PKHD1L1: variants seen among roughly 807,000 people sequenced by gnomAD.
PKHD1L1 encodes fibrocystin-L.
PKHD1L1 carries 434 observed loss-of-function variants against 462.9 expected under a neutral mutation model. The observed-to-expected ratio is 0.94, with a 90% confidence interval of 0.87 to 1.02. The LOEUF is 1.02. PKHD1L1 is among the 50% of genes least tolerant of loss of function. The pLI, the probability that PKHD1L1 is intolerant of heterozygous loss-of-function variation, is 0.00. For synonymous variants in PKHD1L1, 1,781 were observed against 1,750.0 expected (o/e 1.02, Z -0.44); for missense variants, 5,202 against 5,096.1 (o/e 1.02, Z -0.63).
chr8:109,474,161 A>AT (rs1476693835), intron 50 of PKHD1L1, among the ~76,000 whole-genome samples: 1 of 152,076 alleles, frequency 6.6e-6, no homozygotes, highest in East Asian at 1.9e-4. Context: ...AAAATCATGA[A>AT]TTTTTTCTCT....
At chr8:109,378,239 T>C (rs1219729870) in intron 2 of PKHD1L1, among the ~76,000 whole-genome samples, 2 of 152,246 alleles carry the variant, frequency 1.3e-5, no homozygotes, top group Non-Finnish European at 2.9e-5. Context: ...CATTTTTCAC[T>C]GAGATAATGT....
At position 109,413,668 on chromosome 8, in the gene PKHD1L1, G is replaced by A. The variant is rs1004780221; in HGVS notation, c.2360+123G>A. The A allele has an allele frequency of 6.6e-6, 4 of 604,876 alleles. No homozygotes were observed. The African/African-American group carries it at 7.7e-5, about 12-fold the overall frequency. 37.5% of individuals were successfully genotyped at this position (604,876 alleles called of 1,614,324 possible). ...GTTTGGGGAGATGAGGGCAAATAAT[G>A]CACACAATGGATGTAAATGGCAGTT... On this transcript the variant is annotated intron_variant, in intron 21 of 77. Transcript: ENST00000378402.
intron 2 of PKHD1L1, among the ~76,000 whole-genome samples, chr8:109,368,769 T>C (rs1300805464): frequency 2.6e-5 from 4 of 152,186 alleles, no homozygotes; most frequent in Non-Finnish European, 5.9e-5. Context: ...TTTGGATTGC[T>C]GCTATCAGGA....
chr8:109,521,450 AT>A lies in PKHD1L1; in HGVS notation c.12032-732del, dbSNP rs1464086513. ...CCCTGCTGATGTGGCTTTAATTAGG[AT>A]TTTAACAACAGGGACAGAGAGAGTT... is the stretch of plus-strand genomic sequence containing the variant. On this transcript the variant is annotated intron_variant, in intron 73 of 77. Transcript: ENST00000378402. Among the ~76,000 whole-genome samples the A allele has an allele frequency of 5.9e-5, 9 of 152,292 alleles. No individual in the cohort carries two copies. In the East Asian group the frequency reaches 1.7e-3, roughly 29 times the overall value.
At chr8:109,428,633 T>C (rs1563531242) in intron 25 of PKHD1L1, among the ~76,000 whole-genome samples, 2 of 152,162 alleles carry the variant, frequency 1.3e-5, no homozygotes, top group Non-Finnish European at 2.9e-5. Context: ...TGACCTCCCT[T>C]GGTGTCTCTG....
intron 14 of PKHD1L1, 62 bp downstream of exon 14, chr8:109,401,650 TA>T: frequency 1.2e-6 from 1 of 818,772 alleles, no homozygotes; most frequent in Non-Finnish European, 1.9e-6. Context: ...GTTTATATTT[TA>T]AAATATTTTC....
At chr8:109,378,847 TAGAG>T (rs1811966925) in intron 2 of PKHD1L1, among the ~76,000 whole-genome samples, 1 of 152,190 alleles carries the variant, frequency 6.6e-6, no homozygotes, top group East Asian at 1.9e-4. Context: ...TAGAATGTCT[TAGAG>T]AGAGGCATAT....
chr8:109,437,009 G>A (rs763377820), intron 30 of PKHD1L1, among the ~76,000 whole-genome samples: 2 of 152,140 alleles, frequency 1.3e-5, no homozygotes, highest in South Asian at 2.1e-4. Flanking sequence ...TCTGCCTCCC[G>A]GGTTCAAGCG....
Position 109,464,610 on chromosome 8 carries a change from A to AT in PKHD1L1, c.7779dup (p.Gly2594TrpfsTer5). ...TGGTACCGGATGAACAACCACCCTG[A>AT]TGGGCCATCCTATGACAGAAACATT... On this transcript the variant is annotated frameshift_variant, in exon 49 of 78. Transcript: ENST00000378402. LOFTEE classifies it high-confidence loss of function. 1 of 1,612,714 alleles carries AT rather than the reference A, an allele frequency of 6.2e-7. No individual in the cohort carries two copies. The highest frequency in any genetic ancestry group is 8.5e-7 in the Non-Finnish European group (1 of 1,179,792).
At chr8:109,429,569 A>C in intron 26 of PKHD1L1, 107 bp downstream of exon 26, 1 of 1,075,210 alleles carries the variant, frequency 9.3e-7, no homozygotes, top group Non-Finnish European at 1.3e-6. Context: ...TCTGTATTTC[A>C]TGGGAACATT....
At chr8:109,492,434 G>T (rs1022456548) in intron 62 of PKHD1L1, among the ~76,000 whole-genome samples, 3 of 151,772 alleles carry the variant, frequency 2.0e-5, no homozygotes, top group African/African-American at 7.2e-5. Context: ...ATAGGTGTTT[G>T]TTGAGATATA....
At chr8:109,425,259 G>A (rs767693071) in intron 24 of PKHD1L1, 27 bp downstream of exon 24, 1 of 1,542,866 alleles carries the variant, frequency 6.5e-7, no homozygotes, top group Non-Finnish European at 8.7e-7. Context: ...TAAAATATTG[G>A]TGTATACGCA....
At chr8:109,435,744 G>A (rs1329473004) in intron 29 of PKHD1L1, among the ~76,000 whole-genome samples, 1 of 152,062 alleles carries the variant, frequency 6.6e-6, no homozygotes, top group African/African-American at 2.4e-5. Context: ...GGGAAAGGAG[G>A]GCTAACACAC....
In PKHD1L1 at chr8:109,476,610, A is replaced by C; in HGVS notation, c.8860A>C (p.Thr2954Pro). 4 of 1,596,544 alleles carry C rather than the reference A, an allele frequency of 2.5e-6. No individual in the cohort carries two copies. Among genetic ancestry groups the C allele is most frequent in the Non-Finnish European group, 3.4e-6 (4 of 1,169,906 alleles). The stretch of plus-strand genomic sequence containing the variant: ...TTCCTCAAATCCATTGAATTGGAAT[A>C]CTAGCAAGAATGGGGACTGGCACCT... ...NGSSNPLNWNTSKNGDWHLEA... is the reference protein window; with the variant it reads ...NGSSNPLNWNPSKNGDWHLEA... The change falls in exon 52 of 78, where the codon ACT becomes CCT. Residue 2954 changes from threonine (T) to proline (P), a missense_variant. Around this residue, in one of 3 missense-constraint regions of PKHD1L1, gnomAD observed 4,497 missense variants for 4,336.8 expected, o/e 1.04. Coordinates refer to ENST00000378402, the MANE Select transcript of PKHD1L1 (RefSeq NM_177531.6).
At chr8:109,469,608 T>C (rs1817619982) in intron 50 of PKHD1L1, among the ~76,000 whole-genome samples, 1 of 152,192 alleles carries the variant, frequency 6.6e-6, no homozygotes, top group Non-Finnish European at 1.5e-5. Context: ...TCATTCCTTA[T>C]GATGATATAA....
chr8:109,364,565 C>G lies in PKHD1L1; in HGVS notation c.92C>G (p.Pro31Arg). 1 of 1,599,700 alleles carries G rather than the reference C, an allele frequency of 6.3e-7. No homozygotes were observed. The part of the protein sequence containing the change: ...DPSTDGSQII[P>R]KVTEIIPKYG... ...TTTTCAGATGGCTCTCAAATAATCC[C>G]CAAAGTCACAGAAATAATACCTAAA... is the stretch of plus-strand genomic sequence containing the variant. The change falls in exon 2 of 78, where the codon CCC becomes CGC. Residue 31 changes from proline to arginine, a missense_variant. Transcript: ENST00000378402.
chr8:109,471,141 T>G, intron 50 of PKHD1L1: 1 of 1,364,572 alleles, frequency 7.3e-7, no homozygotes, highest in Non-Finnish European at 1.0e-6. Context: ...CATTTACCTT[T>G]GTATTCTTCA....
intron 73 of PKHD1L1, among the ~76,000 whole-genome samples, chr8:109,519,431 A>G (rs2131018860): frequency 6.6e-6 from 1 of 152,204 alleles, no homozygotes; most frequent in Non-Finnish European, 1.5e-5. Flanking sequence ...TCTTGTCTTC[A>G]CAGCCTCTGG....
rs768672385 is a variant in PKHD1L1 at position 109,425,245 on chromosome 8, A to T, written c.2845+13A>T. ...CATATTCTTAAAGGTATATGAAAAAAATTTAAAATATTGGTGTATACGCAC... is the reference window on the plus strand; with the variant it reads ...CATATTCTTAAAGGTATATGAAAAATATTTAAAATATTGGTGTATACGCAC... On this transcript the variant is annotated intron_variant, in intron 24 of 77. Transcript: ENST00000378402. 4 of 1,561,266 alleles carry T rather than the reference A, an allele frequency of 2.6e-6. No individual in the cohort carries two copies. In the Admixed American group the frequency reaches 6.2e-5, roughly 24 times the overall value.
Sources: gnomAD v4.1 joint callset for allele counts (sites outside exome capture counted in the v4.1 genomes callset) on GRCh38, gnomAD v4.1.1 for gene constraint, gnomAD v4.1.1 regional missense constraint, MANE v1.5 for transcripts, NCBI Gene and HGNC (gene_info 2026-07-23, HGNC 2026-07-21) for gene names.